Variants in KIF26B observed in about 807,000 individuals in gnomAD.
KIF26B encodes kinesin-like protein KIF26B.
A neutral mutation model predicts 151.2 loss-of-function variants in KIF26B; 63 were observed. The observed-to-expected ratio is 0.42, with a 90% CI of 0.34 to 0.51. KIF26B has a LOEUF of 0.51. Ranked by LOEUF, KIF26B falls within the 20% of genes least tolerant of loss-of-function variation. The pLI is 0.07. For missense variants in KIF26B, 2,813 were observed against 2,913.6 expected (o/e 0.97, Z 0.79); for synonymous variants, 1,357 against 1,262.1 (o/e 1.08, Z -1.59).
chr1:245,664,397 G>A (rs2044190918), intron 10 of KIF26B, among the ~76,000 whole-genome samples: 2 of 150,346 alleles, frequency 1.3e-5, no homozygotes, highest in African/African-American at 4.9e-5. Flanking sequence ...ACTGTACTTG[G>A]TAAGAAGGTT....
In KIF26B at chr1:245,442,760, GCGGTCATCTCCCTCACTGTTCACCTAC is replaced by G. The variant is rs1659141206; in HGVS notation, c.1166+23016_1166+23042del. Among the ~76,000 whole-genome samples the G allele has an allele frequency of 3.9e-5, 5 of 129,606 alleles. 1 individual carries two copies. Among genetic ancestry groups the G allele is most frequent in the Admixed American group, 7.7e-5 (1 of 12,992 alleles). 85.0% of individuals were successfully genotyped at this position (129,606 alleles called of 152,430 possible). A position where few individuals can be genotyped will look rare whatever the true frequency, so the allele number is the denominator to read the frequency against. On this transcript the variant is annotated intron_variant, in intron 4 of 14. Coordinates refer to ENST00000407071, the MANE Select transcript of KIF26B (RefSeq NM_018012.4). ...TCATCTCCCTCACTGTTCACCTACA[GCGGTCATCTCCCTCACTGTTCACCTAC>G]AGCGGTCATCTCCCTCACTGTTCAC...
chr1:245,613,813 T>G (rs2043554471), intron 9 of KIF26B, among the ~76,000 whole-genome samples: 1 of 152,170 alleles, frequency 6.6e-6, no homozygotes, highest in Non-Finnish European at 1.5e-5. Context: ...AAATCCAGGT[T>G]TATTGCAGTA....
intron 2 of KIF26B, among the ~76,000 whole-genome samples, chr1:245,346,441 T>G (rs951544328): frequency 1.3e-5 from 2 of 152,164 alleles, no homozygotes; most frequent in African/African-American, 4.8e-5. Flanking sequence ...TTTGCATCTC[T>G]GGCCACCAGA....
intron 8 of KIF26B, among the ~76,000 whole-genome samples, chr1:245,611,517 C>T (rs1184551372): frequency 6.6e-6 from 1 of 152,176 alleles, no homozygotes; most frequent in Non-Finnish European, 1.5e-5. Flanking sequence ...CTTTTCACAC[C>T]CACTAGTTCC....
At chr1:245,265,168 T>G (rs899014794) in intron 2 of KIF26B, among the ~76,000 whole-genome samples, 3 of 146,152 alleles carry the variant, frequency 2.1e-5, no homozygotes, top group South Asian at 2.2e-4. Flanking sequence ...TGCCACTGCA[T>G]TCCAGTCTGG....
chr1:245,487,192 A>G (rs891475090), intron 4 of KIF26B, among the ~76,000 whole-genome samples: 4 of 152,168 alleles, frequency 2.6e-5, no homozygotes, highest in Non-Finnish European at 5.9e-5. Context: ...TCATGCCCAC[A>G]TCTTTCTGAC....
At position 245,156,665 on chromosome 1, in the gene KIF26B, G is replaced by A. The variant is rs576183812; in HGVS notation, c.447G>A (p.Pro149=). 1.3e-6 allele frequency: 2 copies of A among 1,501,656 alleles called. No individual in the cohort carries two copies. Among genetic ancestry groups the A allele is most frequent in the Non-Finnish European group, 1.8e-6 (2 of 1,132,704 alleles). 93.0% of individuals were successfully genotyped at this position (1,501,656 alleles called of 1,614,324 possible). A position where few individuals can be genotyped will look rare whatever the true frequency, so the allele number is the denominator to read the frequency against. The part of the protein sequence containing the change: ...LKRQALRLLL[P]GPFPGKDPAF... ...GGCAGGCCCTGAGGTTGCTCCTCCCGGGGCCCTTCCCGGGCAAGGTGAGCG... is the reference window on the plus strand; with the variant it reads ...GGCAGGCCCTGAGGTTGCTCCTCCCAGGGCCCTTCCCGGGCAAGGTGAGCG... Residue 149 remains proline, a synonymous_variant, in exon 2 of 15, where the codon CCG becomes CCA. Coordinates refer to ENST00000407071, the MANE Select transcript of KIF26B (RefSeq NM_018012.4).
intron 3 of KIF26B, among the ~76,000 whole-genome samples, chr1:245,409,664 A>G (rs185245207): frequency 6.6e-6 from 1 of 152,322 alleles, no homozygotes; most frequent in Admixed American, 6.5e-5. Context: ...AGATAATAAG[A>G]GTAATCAAAC....
At position 245,516,951 on chromosome 1, in the gene KIF26B, C is replaced by G. The variant is rs916965151; in HGVS notation, c.1167-23816C>G. ...GCTCCCCACAGCTCCACGGCTGCTG[C>G]TTTCACCCCCACCTGACCATGGTCG... On this transcript the variant is annotated intron_variant, in intron 4 of 14. Coordinates refer to ENST00000407071, the MANE Select transcript of KIF26B (RefSeq NM_018012.4). This position sits in a 1 kb window ranked among gnomAD's most constrained non-coding sequence, Gnocchi z 4.2. Among the ~76,000 whole-genome samples the G allele has an allele frequency of 6.6e-6, 1 of 152,226 alleles. No individual in the cohort carries two copies. Among genetic ancestry groups the G allele is most frequent in the African/African-American group, 2.4e-5 (1 of 41,456 alleles).
At chr1:245,387,987 C>T (rs1042521217) in intron 3 of KIF26B, among the ~76,000 whole-genome samples, 4 of 152,160 alleles carry the variant, frequency 2.6e-5, no homozygotes, top group Non-Finnish European at 5.9e-5. Context: ...CCAGAATAGG[C>T]CATTTTGAAA....
At chr1:245,685,113 T>C (rs1295585709) in intron 11 of KIF26B, among the ~76,000 whole-genome samples, 2 of 152,232 alleles carry the variant, frequency 1.3e-5, no homozygotes, top group Non-Finnish European at 1.5e-5. Flanking sequence ...GTGCCAAACA[T>C]TGGTGAGCCA....
chr1:245,384,563 A>G (rs1172114747), intron 3 of KIF26B, among the ~76,000 whole-genome samples: 1 of 152,192 alleles, frequency 6.6e-6, no homozygotes, highest in Non-Finnish European at 1.5e-5. Flanking sequence ...CTGGATTACA[A>G]GCATGAACCG....
chr1:245,213,791 T>C (rs11803751), intron 2 of KIF26B, among the ~76,000 whole-genome samples: 3,801 of 152,268 alleles, frequency 0.025, 165 homozygotes, highest in African/African-American at 0.084. Flanking sequence ...TGCCCCAACT[T>C]TAAGTTCCAC....
At chr1:245,487,728 G>T (rs955970777) in intron 4 of KIF26B, among the ~76,000 whole-genome samples, 4 of 151,328 alleles carry the variant, frequency 2.6e-5, no homozygotes, top group Non-Finnish European at 4.4e-5. Flanking sequence ...CTCCCGAGTA[G>T]CTAGGACTAC....
At chr1:245,395,834 GC>G (rs1462567245) in intron 3 of KIF26B, among the ~76,000 whole-genome samples, 26 of 152,194 alleles carry the variant, frequency 1.7e-4, no homozygotes, top group Non-Finnish European at 1.2e-4. Context: ...AAAATTTGGA[GC>G]CAGACAGCCT....
Position 245,184,047 on chromosome 1 carries a change from G to GTT in KIF26B, c.465+27365_465+27366dup, listed in dbSNP as rs1469137088. On this transcript the variant is annotated intron_variant, in intron 2 of 14. Coordinates refer to ENST00000407071, the MANE Select transcript of KIF26B (RefSeq NM_018012.4). ...CCTGCAACAGGTATGGGTGGGAGTT[G>GTT]TTGTTTTTTTTTTTTTTTTTTTGAG... 9.9e-3 allele frequency among the ~76,000 whole-genome samples: 91 copies of GTT among 9,226 alleles called. 5 individuals are homozygous for GTT. Among genetic ancestry groups the GTT allele is most frequent in the Middle Eastern group, 0.062 (1 of 16 alleles). 6.1% of individuals were successfully genotyped at this position (9,226 alleles called of 152,430 possible). A position where few individuals can be genotyped will look rare whatever the true frequency, so the allele number is the denominator to read the frequency against.
At chr1:245,303,931 GC>G (rs1220068937) in intron 2 of KIF26B, among the ~76,000 whole-genome samples, 1 of 152,198 alleles carries the variant, frequency 6.6e-6, no homozygotes, top group East Asian at 1.9e-4. Context: ...TACAGGTGCA[GC>G]CTCCTCCACA....
chr1:245,431,415 G>C (rs971664613), intron 4 of KIF26B, among the ~76,000 whole-genome samples: 1 of 151,274 alleles, frequency 6.6e-6, no homozygotes, highest in African/African-American at 2.4e-5. Flanking sequence ...TGCGATCTCG[G>C]CTCACTGCAA....
chr1:245,474,593 A>G (rs1041283662), intron 4 of KIF26B, among the ~76,000 whole-genome samples: 5 of 150,736 alleles, frequency 3.3e-5, no homozygotes, highest in African/African-American at 1.2e-4. Context: ...TTGCATTTTT[A>G]GTAGAGATGG....
Sources: gnomAD v4.1 joint callset for allele counts (sites outside exome capture counted in the v4.1 genomes callset) on GRCh38, gnomAD v4.1.1 for gene constraint, Gnocchi (gnomAD v3.1) non-coding constraint, MANE v1.5 for transcripts, NCBI Gene and HGNC (gene_info 2026-07-23, HGNC 2026-07-21) for gene names.